CELF2: variants seen among roughly 807,000 people sequenced by gnomAD.
The protein encoded by CELF2 is CUGBP Elav-like family member 2, also known as CUG triplet repeat RNA-binding protein 2.
A neutral mutation model predicts 62.6 loss-of-function variants in CELF2; 8 were observed. The observed-to-expected ratio is 0.13, with a 90% CI of 0.07 to 0.23. The LOEUF (loss-of-function observed/expected upper bound fraction) is 0.23, where lower values mean the gene tolerates loss of function less well. Among genes scored for constraint, CELF2 ranks in the 10% least tolerant of loss-of-function variants. The pLI, the probability that CELF2 is intolerant of heterozygous loss-of-function variation, is 1.00. For missense variants in CELF2, 333 were observed against 671.0 expected (o/e 0.50, Z 5.56); for synonymous variants, 258 against 250.0 (o/e 1.03, Z -0.30).
At chr10:10,860,928 T>C (rs2060013623) in intron 1 of CELF2, among the ~76,000 whole-genome samples, 1 of 147,602 alleles carries the variant, frequency 6.8e-6, no homozygotes, top group Non-Finnish European at 1.5e-5. Context: ...ATTCTTTTTT[T>C]ATATATATAA....
At chr10:10,473,409 T>C in the CELF2 span, among the ~76,000 whole-genome samples, 1 of 152,038 alleles carries the variant, frequency 6.6e-6, no homozygotes, top group African/African-American at 2.4e-5. Flanking sequence ...ACTTCTGGCC[T>C]GTAGAACTGC....
At chr10:10,779,306 C>T in the CELF2 span, among the ~76,000 whole-genome samples, 1 of 152,196 alleles carries the variant, frequency 6.6e-6, no homozygotes, top group Non-Finnish European at 1.5e-5. Flanking sequence ...TGCACTGTCA[C>T]TTAATGCAAC....
At chr10:10,695,649 A>G in the CELF2 span, among the ~76,000 whole-genome samples, 3 of 152,126 alleles carry the variant, frequency 2.0e-5, no homozygotes, top group African/African-American at 7.2e-5. Flanking sequence ...TACACCAATC[A>G]GACGTAGATT....
the CELF2 span, among the ~76,000 whole-genome samples, chr10:10,774,852 T>C: frequency 6.6e-6 from 1 of 151,280 alleles, no homozygotes; most frequent in Non-Finnish European, 1.5e-5. Flanking sequence ...TGAGCTGATA[T>C]TTATTTATTT....
At chr10:11,322,308 C>A (rs1462465351) in intron 11 of CELF2, among the ~76,000 whole-genome samples, 2 of 152,116 alleles carry the variant, frequency 1.3e-5, no homozygotes, top group Non-Finnish European at 2.9e-5. Flanking sequence ...AGTAAGTGAT[C>A]GATTGCCTTG....
intron 1 of CELF2, among the ~76,000 whole-genome samples, chr10:11,138,885 A>G (rs995874796): frequency 6.6e-6 from 1 of 152,234 alleles, no homozygotes; most frequent in African/African-American, 2.4e-5. Flanking sequence ...GGTGCTTACC[A>G]TTTAACTTGA....
chr10:11,253,563 T>C (rs909205057), intron 4 of CELF2, among the ~76,000 whole-genome samples: 2 of 152,222 alleles, frequency 1.3e-5, no homozygotes, highest in Non-Finnish European at 2.9e-5. Flanking sequence ...CACTAACACA[T>C]TGAAAAGTTG....
chr10:10,580,188 C>T, the CELF2 span, among the ~76,000 whole-genome samples: 2 of 152,092 alleles, frequency 1.3e-5, no homozygotes, highest in African/African-American at 2.4e-5. Flanking sequence ...ATTCAAAAAG[C>T]TTATAATCAC....
At chr10:11,304,550 G>T (rs892185775) in intron 9 of CELF2, among the ~76,000 whole-genome samples, 1 of 152,102 alleles carries the variant, frequency 6.6e-6, no homozygotes, top group Non-Finnish European at 1.5e-5. Flanking sequence ...GAGGCAGTGC[G>T]GGGCATCACA....
chr10:10,885,660 T>C (rs2061704952), intron 1 of CELF2, among the ~76,000 whole-genome samples: 1 of 152,154 alleles, frequency 6.6e-6, no homozygotes, highest in Non-Finnish European at 1.5e-5. Flanking sequence ...GCAAATGTAG[T>C]GGCATGAAAC....
upstream of CELF2, among the ~76,000 whole-genome samples, chr10:11,017,739 T>A (rs1451205808): frequency 6.6e-6 from 1 of 151,826 alleles, no homozygotes. The surrounding 1 kb of genome is among the most constrained non-coding windows in gnomAD (Gnocchi z 5.5). Context: ...CCCTGAGAAG[T>A]CTGGCCGTGC....
chr10:10,628,304 T>C, the CELF2 span, among the ~76,000 whole-genome samples: 2 of 152,190 alleles, frequency 1.3e-5, no homozygotes, highest in African/African-American at 2.4e-5. Context: ...CCAAATATTT[T>C]ATTATCATAC....
At chr10:11,257,574 G>A (rs973588213) in intron 4 of CELF2, 164 bp from the exon 5 acceptor site, 6 of 634,168 alleles carry the variant, frequency 9.5e-6, no homozygotes, top group Non-Finnish European at 1.6e-5. Flanking sequence ...GTGGCAGGGT[G>A]GGGCGCATGG....
chr10:10,509,454 G>A, the CELF2 span, among the ~76,000 whole-genome samples: 2 of 152,166 alleles, frequency 1.3e-5, no homozygotes, highest in African/African-American at 4.8e-5. Context: ...TCCACCAAAT[G>A]AGACTACAGT....
intron 1 of CELF2, among the ~76,000 whole-genome samples, chr10:10,810,563 G>T (rs10905831): frequency 0.088 from 13,410 of 152,130 alleles, 1,095 homozygotes; most frequent in East Asian, 0.33. Flanking sequence ...GAAGGGAAGG[G>T]TCCAGCAGAG....
At chr10:10,599,254 A>G in the CELF2 span, among the ~76,000 whole-genome samples, 1 of 152,172 alleles carries the variant, frequency 6.6e-6, no homozygotes, top group African/African-American at 2.4e-5. Context: ...TCCACTTCTT[A>G]TAAACTGTGA....
At chr10:10,780,390 A>G in the CELF2 span, among the ~76,000 whole-genome samples, 18 of 152,312 alleles carry the variant, frequency 1.2e-4, no homozygotes, top group Admixed American at 1.2e-3. Context: ...GATTAGCAGT[A>G]TATCCTGGTA....
intron 2 of CELF2, chr10:10,970,670 C>T (rs2050660636): frequency 1.3e-5 from 2 of 152,216 alleles, no homozygotes; most frequent in African/African-American, 4.8e-5. Flanking sequence ...TAACAATTCT[C>T]ATTTTCTTTC....
chr10:11,223,472 T>C lies in CELF2; in HGVS notation c.354+5965T>C, dbSNP rs1259048337. Among the ~76,000 whole-genome samples, 1 of 152,228 alleles carries C rather than the reference T, an allele frequency of 6.6e-6. No individual in the cohort carries two copies. The highest frequency in any genetic ancestry group is 2.4e-5 in the African/African-American group (1 of 41,448). On this transcript the variant is annotated intron_variant, in intron 3 of 12. Transcript: ENST00000633077. This position sits in a 1 kb window ranked among gnomAD's most constrained non-coding sequence, Gnocchi z 5.1. ...GCAGAATTTGGCCTGGGCTGAGAAA[T>C]TCGCCCTCATGGGACTGCCTAGGAG...
Sources: allele counts gnomAD v4.1 joint callset (sites outside exome capture counted in the v4.1 genomes callset), GRCh38; gene constraint gnomAD v4.1.1; non-coding constraint Gnocchi (gnomAD v3.1); transcripts MANE v1.5; gene names NCBI Gene and HGNC (gene_info 2026-07-23, HGNC 2026-07-21).